Variants in NCKAP1 observed in about 807,000 individuals in gnomAD.
NCKAP1 encodes nck-associated protein 1.
In NCKAP1, 21 loss-of-function variants were observed where a neutral mutation model predicts 151.2. The observed-to-expected ratio is 0.14, with a 90% CI of 0.10 to 0.20. NCKAP1 has a LOEUF of 0.20. Among genes scored for constraint, NCKAP1 ranks in the 10% least tolerant of loss-of-function variants. The pLI, the probability that NCKAP1 is intolerant of heterozygous loss-of-function variation, is 1.00. For synonymous variants in NCKAP1, 484 were observed against 451.8 expected, an observed-to-expected ratio of 1.07 and a Z score of -0.90; for missense variants, 933 against 1,352.1, an observed-to-expected ratio of 0.69 and a Z score of 4.86.
At position 183,038,324 on chromosome 2, in the gene NCKAP1, C is replaced by A; in HGVS notation, c.-225G>T. 1 of 328,074 alleles carries A rather than the reference C, an allele frequency of 3.0e-6. No individual in the cohort carries two copies. Among genetic ancestry groups the A allele is most frequent in the East Asian group, 4.9e-5 (1 of 20,340 alleles). 20.3% of individuals were successfully genotyped at this position (328,074 alleles called of 1,614,324 possible). On this transcript the variant is annotated 5_prime_UTR_variant, in exon 1 of 31. Coordinates refer to ENST00000361354, the MANE Select transcript of NCKAP1 (RefSeq NM_013436.5). Reference sequence around the variant, plus strand: ...GCAGCAGCCCGCGCCCCGGCAGCCTCCTGCCTTCCGCCCGCCGCCCTTCCG... The same window carrying A: ...GCAGCAGCCCGCGCCCCGGCAGCCTACTGCCTTCCGCCCGCCGCCCTTCCG...
chr2:182,948,661 T>C (rs569092713), intron 23 of NCKAP1, among the ~76,000 whole-genome samples: 4 of 152,244 alleles, frequency 2.6e-5, no homozygotes, highest in Non-Finnish European at 4.4e-5. Flanking sequence ...TAAACTCTAC[T>C]AAGAAAAACT....
In NCKAP1 at chr2:182,953,131, G is replaced by C. The variant is rs143316388; in HGVS notation, c.2354C>G (p.Thr785Arg). ...TCCTTACCAATTTGTGTATAGACTTGTAATGGTTGGCTCTCCATGACTGTC... is the reference window on the plus strand; with the variant it reads ...TCCTTACCAATTTGTGTATAGACTTCTAATGGTTGGCTCTCCATGACTGTC... The part of the protein sequence containing the change: ...HLDSHGEPTI[T>R]SLYTNWYLET... Residue 785 changes from threonine (T) to arginine (R), a missense_variant, in exon 21 of 31, where the codon ACA becomes AGA. Physicochemically the swap from Thr to Arg is moderately conservative, Grantham distance 71. Coordinates refer to ENST00000361354, the MANE Select transcript of NCKAP1 (RefSeq NM_013436.5). 1 of 1,611,528 alleles carries C rather than the reference G, an allele frequency of 6.2e-7. No homozygotes were observed. The highest frequency in any genetic ancestry group is 8.5e-7 in the Non-Finnish European group (1 of 1,178,616).
At position 183,037,599 on chromosome 2, in the gene NCKAP1, A is replaced by T. The variant is rs565453750; in HGVS notation, c.108+393T>A. Among the ~76,000 whole-genome samples, 1,250 of 152,234 alleles carry T rather than the reference A, an allele frequency of 8.2e-3. 23 individuals are homozygous for T. The highest frequency in any genetic ancestry group is 0.029 in the African/African-American group (1,201 of 41,564). On this transcript the variant is annotated intron_variant, in intron 1 of 30. Coordinates refer to ENST00000361354, the MANE Select transcript of NCKAP1 (RefSeq NM_013436.5). ...GCTGCCATCTCCGTAAGAATATGGA[A>T]CACTCAAGTTTTCCTACCCACCTAG...
chr2:182,991,148 T>G (rs1698163030), intron 8 of NCKAP1, among the ~76,000 whole-genome samples: 1 of 152,236 alleles, frequency 6.6e-6, no homozygotes, highest in South Asian at 2.1e-4. Context: ...AATACAAAGT[T>G]TCTCTGAAAA....
chr2:182,923,550 G>A lies in NCKAP1; in HGVS notation c.*2152C>T, dbSNP rs978525375. Reference sequence around the variant, plus strand: ...GGCCTCCCAAAGTGCTGAAATAGGCGTGTGCCACTACGCCTGGCCATGAAA... The same window carrying A: ...GGCCTCCCAAAGTGCTGAAATAGGCATGTGCCACTACGCCTGGCCATGAAA... On this transcript the variant is annotated 3_prime_UTR_variant, in exon 31 of 31. Transcript: ENST00000361354. 6.6e-6 allele frequency: 1 copy of A among 152,168 alleles called. No individual in the cohort carries two copies. Among genetic ancestry groups the A allele is most frequent in the African/African-American group, 2.4e-5 (1 of 41,438 alleles). The allele number at this position is 152,168 out of a possible 1,614,324, so 9.4% of individuals were successfully genotyped here.
intron 13 of NCKAP1, 27 bp downstream of exon 13, chr2:182,981,217 A>G: frequency 6.2e-7 from 1 of 1,603,072 alleles, no homozygotes; most frequent in Non-Finnish European, 8.5e-7. Context: ...AAGGAACAAA[A>G]GGGAAATAGT....
chr2:182,962,363 T>C, intron 17 of NCKAP1, 85 bp from the exon 18 acceptor site: 4 of 1,329,356 alleles, frequency 3.0e-6, no homozygotes, highest in Non-Finnish European at 4.1e-6. Context: ...CATGGAAAAT[T>C]AGGCTAAAGG....
In NCKAP1 at chr2:182,914,095, A is replaced by T. The variant is rs1696434071; in HGVS notation, c.*11607T>A. ...CATATTGGTATCAGAGTGTGCAGTC[A>T]CAGAAGGAACTCCCTTTAGCAGTAT... On this transcript the variant is annotated 3_prime_UTR_variant, in exon 31 of 31. Transcript: ENST00000361354. The T allele has an allele frequency of 6.6e-6, 1 of 152,208 alleles. No homozygotes were observed. Among genetic ancestry groups the T allele is most frequent in the South Asian group, 2.1e-4 (1 of 4,836 alleles). 9.4% of individuals were successfully genotyped at this position (152,208 alleles called of 1,614,324 possible).
chr2:183,023,675 C>T (rs1245544082), intron 2 of NCKAP1, 131 bp downstream of exon 2: 6 of 651,858 alleles, frequency 9.2e-6, no homozygotes, highest in African/African-American at 5.7e-5. Context: ...CAAAAAAACC[C>T]TTAAGGTATA....
intron 17 of NCKAP1, 110 bp from the exon 18 acceptor site, chr2:182,962,388 G>A: frequency 4.8e-6 from 5 of 1,046,998 alleles, no homozygotes; most frequent in Non-Finnish European, 6.7e-6. Flanking sequence ...TTCCGCAATA[G>A]TGAGGGTGGG....
At chr2:182,991,310 C>A (rs1698166673) in intron 8 of NCKAP1, among the ~76,000 whole-genome samples, 1 of 152,150 alleles carries the variant, frequency 6.6e-6, no homozygotes, top group Non-Finnish European at 1.5e-5. Context: ...GTAATCCCAA[C>A]ACTATGGGAG....
At chr2:183,019,983 T>C (rs1299336562) in intron 2 of NCKAP1, among the ~76,000 whole-genome samples, 1 of 152,114 alleles carries the variant, frequency 6.6e-6, no homozygotes, top group Non-Finnish European at 1.5e-5. Context: ...AGTGCCTTCC[T>C]TTGTTGCATA....
At position 182,915,987 on chromosome 2, in the gene NCKAP1, C is replaced by T. The variant is rs1335443958; in HGVS notation, c.*9715G>A. ...GGGGCTCAGATTCTGCATCTTCTCC[C>T]CCTGACATCCCAGACAAGTGATTTG... On this transcript the variant is annotated 3_prime_UTR_variant, in exon 31 of 31. Transcript: ENST00000361354. 5 of 151,858 alleles carry T rather than the reference C, an allele frequency of 3.3e-5. No homozygotes were observed. Among genetic ancestry groups the T allele is most frequent in the African/African-American group, 1.2e-4 (5 of 41,314 alleles). The allele number at this position is 151,858 out of a possible 1,614,324, so 9.4% of individuals were successfully genotyped here. A position where few individuals can be genotyped will look rare whatever the true frequency, so the allele number is the denominator to read the frequency against.
At chr2:183,035,670 C>G (rs1295035006) in intron 1 of NCKAP1, among the ~76,000 whole-genome samples, 1 of 152,142 alleles carries the variant, frequency 6.6e-6, no homozygotes, top group Non-Finnish European at 1.5e-5. Flanking sequence ...ACAAATGTTT[C>G]AATTCCTAGC....
At chr2:183,003,729 T>C (rs2105876787) in intron 2 of NCKAP1, among the ~76,000 whole-genome samples, 1 of 152,168 alleles carries the variant, frequency 6.6e-6, no homozygotes, top group African/African-American at 2.4e-5. Flanking sequence ...ATTTGGAACT[T>C]ACCAAAAAGA....
chr2:183,026,199 G>A (rs1244278097), intron 1 of NCKAP1, among the ~76,000 whole-genome samples: 1 of 152,088 alleles, frequency 6.6e-6, no homozygotes, highest in African/African-American at 2.4e-5. Context: ...TCCAGAAATG[G>A]GGGCTAAGGG....
Position 182,956,601 on chromosome 2 carries a change from A to C in NCKAP1, c.2022-8T>G, listed in dbSNP as rs1697332649. On this transcript the variant is annotated splice_region_variant and splice_polypyrimidine_tract_variant and intron_variant, in intron 19 of 30. Coordinates refer to ENST00000361354, the MANE Select transcript of NCKAP1 (RefSeq NM_013436.5). The stretch of plus-strand genomic sequence containing the variant: ...GTGTGCAATTTATCAAGGCTGAAAA[A>C]AATTAATAAACAGTTAAAATGTTCA... 6.3e-7 allele frequency: 1 copy of C among 1,595,436 alleles called. No homozygotes were observed. Among genetic ancestry groups the C allele is most frequent in the East Asian group, 2.2e-5 (1 of 44,548 alleles).
chr2:182,960,730 A>C (rs1291337984), intron 18 of NCKAP1, among the ~76,000 whole-genome samples: 1 of 152,218 alleles, frequency 6.6e-6, no homozygotes, highest in African/African-American at 2.4e-5. Flanking sequence ...AAATTGACAA[A>C]TGGGATCTAA....
Position 182,920,073 on chromosome 2 carries a change from T to C in NCKAP1, c.*5629A>G, listed in dbSNP as rs1403810361. 1 of 152,396 alleles carries C rather than the reference T, an allele frequency of 6.6e-6. No individual in the cohort carries two copies. The highest frequency in any genetic ancestry group is 1.5e-5 in the Non-Finnish European group (1 of 68,236). The allele number at this position is 152,396 out of a possible 1,614,324, so 9.4% of individuals were successfully genotyped here. On this transcript the variant is annotated 3_prime_UTR_variant, in exon 31 of 31. Coordinates refer to ENST00000361354, the MANE Select transcript of NCKAP1 (RefSeq NM_013436.5). Reference sequence around the variant, plus strand: ...CAACCCTCCCCTTGGGCTCAAGCAATCCTGCCACCTCAGCTTCTCAAGTTG... The same window carrying C: ...CAACCCTCCCCTTGGGCTCAAGCAACCCTGCCACCTCAGCTTCTCAAGTTG...
Sources: allele counts gnomAD v4.1 joint callset (sites outside exome capture counted in the v4.1 genomes callset), GRCh38; gene constraint gnomAD v4.1.1; transcripts MANE v1.5; gene names NCBI Gene and HGNC (gene_info 2026-07-23, HGNC 2026-07-21).